Variants in SLC35F4 observed in about 807,000 individuals in gnomAD.
SLC35F4 encodes chromosome 14 open reading frame 36.
In SLC35F4, 24 loss-of-function variants were observed where a neutral mutation model predicts 44.2. The ratio of observed to expected loss-of-function variants is 0.54; its 90% confidence interval spans 0.39 to 0.76. The LOEUF (loss-of-function observed/expected upper bound fraction) is 0.76. Ranked by LOEUF, SLC35F4 falls within the 30% of genes least tolerant of loss-of-function variation. SLC35F4 has a pLI of 0.00. For missense variants in SLC35F4, 562 were observed against 586.1 expected (o/e 0.96, Z 0.42); for synonymous variants, 238 against 223.6 (o/e 1.06, Z -0.57).
chr14:57,795,883 A>G (rs2078042787), intron 1 of SLC35F4, among the ~76,000 whole-genome samples: 1 of 152,068 alleles, frequency 6.6e-6, no homozygotes, highest in African/African-American at 2.4e-5. Context: ...TTGGTGTACA[A>G]ATTATTTCAG....
intron 1 of SLC35F4, among the ~76,000 whole-genome samples, chr14:57,750,199 T>C (rs2076851544): frequency 6.6e-6 from 1 of 152,332 alleles, no homozygotes; most frequent in South Asian, 2.1e-4. Context: ...TCCATCCATG[T>C]TGCTGCAAAT....
intron 1 of SLC35F4, among the ~76,000 whole-genome samples, chr14:57,709,586 C>T (rs553450768): frequency 3.3e-5 from 5 of 152,200 alleles, no homozygotes; most frequent in East Asian, 1.9e-4. Flanking sequence ...TCTCTTGCCT[C>T]GGCACCTAGG....
intron 1 of SLC35F4, among the ~76,000 whole-genome samples, chr14:57,792,599 A>G (rs1357152459): frequency 6.6e-6 from 1 of 152,196 alleles, no homozygotes; most frequent in Non-Finnish European, 1.5e-5. Flanking sequence ...ACTCAGCCAT[A>G]AAAAGGAATG....
At chr14:57,649,848 T>C (rs964729700) in intron 1 of SLC35F4, among the ~76,000 whole-genome samples, 1 of 152,092 alleles carries the variant, frequency 6.6e-6, no homozygotes, top group Non-Finnish European at 1.5e-5. Flanking sequence ...ATCCAGAGAT[T>C]TGATATTTCA....
At chr14:57,738,919 C>T (rs1481482647) in intron 1 of SLC35F4, among the ~76,000 whole-genome samples, 1 of 151,062 alleles carries the variant, frequency 6.6e-6, no homozygotes, top group Admixed American at 6.6e-5. Flanking sequence ...CAGGAGAAAT[C>T]TAGGAGTTGT....
intron 1 of SLC35F4, among the ~76,000 whole-genome samples, chr14:57,815,887 T>C (rs987139596): frequency 6.6e-6 from 1 of 152,070 alleles, no homozygotes; most frequent in Non-Finnish European, 1.5e-5. Flanking sequence ...AAGATAGTGA[T>C]GAAAAGTCAG....
At chr14:57,860,808 T>A (rs975236497) in intron 1 of SLC35F4, among the ~76,000 whole-genome samples, 1 of 152,230 alleles carries the variant, frequency 6.6e-6, no homozygotes, top group Non-Finnish European at 1.5e-5. Context: ...TACTGAGACC[T>A]CTAATTCATG....
Position 57,569,779 on chromosome 14 carries a change from G to A in SLC35F4, c.1126+9C>T. On this transcript the variant is annotated intron_variant, in intron 6 of 7. Transcript: ENST00000556826. ...TAGGGAATGGAAGGCAAAACCCGAG[G>A]CCACTTACCCAGCCACAGCCCTGCC... 6.3e-7 allele frequency: 1 copy of A among 1,578,546 alleles called. No homozygotes were observed. The highest frequency in any genetic ancestry group is 8.6e-7 in the Non-Finnish European group (1 of 1,166,842).
rs556167379 is a variant in SLC35F4 at position 57,956,792 on chromosome 14, C to G, written n.282+25121G>C. ...GCGATCATTAAAAGTCAGGAAACAA[C>G]AGATGCTGGAGAGGATGTGGAGAAA... is the stretch of plus-strand genomic sequence containing the variant. On this transcript the variant is annotated intron_variant and non_coding_transcript_variant, in intron 1 of 1. Coordinates refer to the SLC35F4 transcript ENST00000556568. Among the ~76,000 whole-genome samples the G allele has an allele frequency of 2.0e-4, 30 of 152,284 alleles. No homozygotes were observed. The South Asian group carries it at 5.8e-3, about 29-fold the overall frequency.
At chr14:57,876,272 ACTTACCCTTTGTG>A (rs35472654) in intron 1 of SLC35F4, among the ~76,000 whole-genome samples, 16,746 of 152,166 alleles carry the variant, frequency 0.11, 2,838 homozygotes, top group African/African-American at 0.36. Context: ...CGGCATTCTA[ACTTACCCTTTGTG>A]CTTACCCTTT....
At chr14:57,617,282 T>C (rs1745703) in intron 1 of SLC35F4, among the ~76,000 whole-genome samples, 106,802 of 151,126 alleles carry the variant, frequency 0.71, 38,544 homozygotes, top group Middle Eastern at 0.81. Context: ...AGGCGCCTGC[T>C]ACCACATTCG....
intron 1 of SLC35F4, among the ~76,000 whole-genome samples, chr14:57,891,748 C>A (rs147219609): frequency 0.12 from 18,340 of 151,996 alleles, 1,360 homozygotes; most frequent in East Asian, 0.4. Context: ...TGGTGGCATG[C>A]ACCTGTAGTC....
chr14:57,712,432 A>C (rs2075837430), intron 1 of SLC35F4, among the ~76,000 whole-genome samples: 1 of 152,196 alleles, frequency 6.6e-6, no homozygotes, highest in African/African-American at 2.4e-5. Flanking sequence ...GAAAGGTAAA[A>C]TTGCATGTTT....
At chr14:57,639,194 T>C (rs1395074058) in intron 1 of SLC35F4, among the ~76,000 whole-genome samples, 1 of 152,032 alleles carries the variant, frequency 6.6e-6, no homozygotes, top group Non-Finnish European at 1.5e-5. Context: ...ATTAAGTCAA[T>C]TACACAGAGT....
chr14:57,677,222 A>T (rs1358600509), intron 1 of SLC35F4, among the ~76,000 whole-genome samples: 2 of 151,934 alleles, frequency 1.3e-5, no homozygotes, highest in Non-Finnish European at 2.9e-5. Context: ...GATGCAAAGG[A>T]ATAAGAATGA....
chr14:57,642,268 G>C (rs937753471), intron 1 of SLC35F4, among the ~76,000 whole-genome samples: 2 of 151,788 alleles, frequency 1.3e-5, no homozygotes, highest in East Asian at 1.9e-4. Flanking sequence ...TGTTGGTGAA[G>C]GTGTTTACAT....
chr14:57,894,169 T>G (rs1295801888), intron 1 of SLC35F4, among the ~76,000 whole-genome samples: 1 of 152,090 alleles, frequency 6.6e-6, no homozygotes, highest in Non-Finnish European at 1.5e-5. Flanking sequence ...TTAGCATTAG[T>G]GTACAGGTTT....
At chr14:57,583,501 G>A (rs2069452485) in intron 3 of SLC35F4, among the ~76,000 whole-genome samples, 1 of 152,184 alleles carries the variant, frequency 6.6e-6, no homozygotes, top group Non-Finnish European at 1.5e-5. Flanking sequence ...GTGCTCCTAA[G>A]CAAAGATTTT....
At chr14:57,693,938 C>T (rs148785474) in intron 1 of SLC35F4, among the ~76,000 whole-genome samples, 82 of 152,304 alleles carry the variant, frequency 5.4e-4, no homozygotes, top group African/African-American at 1.7e-3. Flanking sequence ...ATTTATGATG[C>T]TTGAACCTAG....
Sources: gnomAD v4.1 joint callset for allele counts (sites outside exome capture counted in the v4.1 genomes callset) on GRCh38, gnomAD v4.1.1 for gene constraint, MANE v1.5 for transcripts, NCBI Gene and HGNC (gene_info 2026-07-23, HGNC 2026-07-21) for gene names.